TINAG: variants seen among roughly 807,000 people sequenced by gnomAD.
TINAG encodes the protein tubulointerstitial nephritis antigen.
A neutral mutation model predicts 72.7 loss-of-function variants in TINAG; 83 were observed. That is an observed-to-expected ratio of 1.14 (90% CI 0.96 to 1.37). TINAG has a LOEUF of 1.37. Ranked by LOEUF, TINAG falls within the 40% of genes most tolerant of loss-of-function variation. TINAG has a pLI of 0.00. For synonymous variants in TINAG, 234 were observed against 189.9 expected, an observed-to-expected ratio of 1.23 and a Z score of -1.91; for missense variants, 685 against 576.6, an observed-to-expected ratio of 1.19 and a Z score of -1.93.
chr6:54,317,781 T>G (rs1029806358), intron 1 of TINAG, among the ~76,000 whole-genome samples: 1 of 152,182 alleles, frequency 6.6e-6, no homozygotes, highest in African/African-American at 2.4e-5. Context: ...TGGCAAAATG[T>G]CTGAAAGAAA....
Position 54,390,126 on chromosome 6 carries a change from C to A in TINAG, c.*201C>A. 1 of 643,948 alleles carries A rather than the reference C, an allele frequency of 1.6e-6. No homozygotes were observed. Among genetic ancestry groups the A allele is most frequent in the Non-Finnish European group, 2.4e-6 (1 of 412,578 alleles). 39.9% of individuals were successfully genotyped at this position (643,948 alleles called of 1,614,324 possible). A position where few individuals can be genotyped will look rare whatever the true frequency, so the allele number is the denominator to read the frequency against. ...CATTAACAACACCAATAAAGGACAG[C>A]AGAGTCCCTAAATGTCTTTAAAGTT... On this transcript the variant is annotated 3_prime_UTR_variant, in exon 11 of 11. Transcript: ENST00000259782.
intron 10 of TINAG, among the ~76,000 whole-genome samples, chr6:54,389,076 T>A (rs1402691900): frequency 6.6e-6 from 1 of 152,154 alleles, no homozygotes; most frequent in East Asian, 1.9e-4. Flanking sequence ...TGGATGTTCT[T>A]TCCTCCCCTT....
At chr6:54,350,182 G>C (rs907639045) in intron 7 of TINAG, among the ~76,000 whole-genome samples, 1 of 150,814 alleles carries the variant, frequency 6.6e-6, no homozygotes, top group South Asian at 2.1e-4. Context: ...ATTTGAACTT[G>C]ACAATTAAAA....
intron 9 of TINAG, among the ~76,000 whole-genome samples, 182 bp from the exon 10 acceptor site, chr6:54,380,344 A>G (rs1763909377): frequency 6.6e-6 from 1 of 152,118 alleles, no homozygotes; most frequent in African/African-American, 2.4e-5. Context: ...AAATAATGTT[A>G]TGGTAAAGAA....
intron 9 of TINAG, among the ~76,000 whole-genome samples, chr6:54,365,867 C>T (rs1170440400): frequency 6.6e-6 from 1 of 151,572 alleles, no homozygotes; most frequent in Non-Finnish European, 1.5e-5. Flanking sequence ...AGAATCCCTG[C>T]TTTATAAGCT....
At chr6:54,309,185 AG>A (rs1784182306) in intron 1 of TINAG, among the ~76,000 whole-genome samples, 1 of 152,136 alleles carries the variant, frequency 6.6e-6, no homozygotes, top group South Asian at 2.1e-4. Context: ...AACTTGTATA[AG>A]GATTACTTTA....
At chr6:54,316,028 G>A (rs140427476) in intron 1 of TINAG, among the ~76,000 whole-genome samples, 16 of 152,256 alleles carry the variant, frequency 1.1e-4, no homozygotes, top group East Asian at 9.6e-4. Flanking sequence ...TTCATACAAC[G>A]TCTATAAGCT....
At chr6:54,379,864 G>A (rs933005973) in intron 9 of TINAG, among the ~76,000 whole-genome samples, 9 of 151,808 alleles carry the variant, frequency 5.9e-5, no homozygotes, top group Admixed American at 5.3e-4. Flanking sequence ...ACGTGCCATG[G>A]TGGTTTGCTG....
intron 9 of TINAG, among the ~76,000 whole-genome samples, chr6:54,360,179 G>A (rs1582739491): frequency 1.3e-5 from 2 of 151,738 alleles, no homozygotes; most frequent in African/African-American, 2.4e-5. Flanking sequence ...TCACAGGACT[G>A]TGGTAGGTAG....
rs371487535 is a variant in TINAG at position 54,389,927 on chromosome 6, A to G, written c.*2A>G. ...CTGACGAGTTCTGATGAACCATAAC[A>G]TATCATTAAATTTCCATAAGGTCAT... On this transcript the variant is annotated 3_prime_UTR_variant, in exon 11 of 11. Coordinates refer to ENST00000259782, the MANE Select transcript of TINAG (RefSeq NM_014464.4). The G allele has an allele frequency of 4.1e-5, 66 of 1,606,856 alleles. No homozygotes were observed. Among genetic ancestry groups the G allele is most frequent in the East Asian group, 6.7e-5 (3 of 44,708 alleles).
At chr6:54,341,205 C>A (rs530815128) in intron 4 of TINAG, among the ~76,000 whole-genome samples, 1 of 152,242 alleles carries the variant, frequency 6.6e-6, no homozygotes, top group Admixed American at 6.5e-5. Flanking sequence ...GGCACACTGA[C>A]AAACCAATAA....
intron 5 of TINAG, among the ~76,000 whole-genome samples, chr6:54,346,875 C>A (rs2150957379): frequency 6.6e-6 from 1 of 152,168 alleles, no homozygotes; most frequent in Admixed American, 6.6e-5. Context: ...TTCAGTTTTA[C>A]TCCAATATAT....
intron 9 of TINAG, among the ~76,000 whole-genome samples, chr6:54,360,839 G>GTTTTTTTT (rs773926586): frequency 1.8e-4 from 3 of 16,922 alleles, no homozygotes; most frequent in Non-Finnish European, 3.9e-4. Flanking sequence ...CACAGATACT[G>GTTTTTTTT]TGTTTTTTTT....
At chr6:54,347,637 A>C in intron 6 of TINAG, 120 bp downstream of exon 6, 1 of 991,518 alleles carries the variant, frequency 1.0e-6, no homozygotes, top group Non-Finnish European at 1.4e-6. Flanking sequence ...TACTACATCT[A>C]CATGAATATA....
intron 3 of TINAG, among the ~76,000 whole-genome samples, chr6:54,325,325 G>A (rs1032117797): frequency 2.0e-5 from 3 of 152,142 alleles, no homozygotes; most frequent in Admixed American, 6.5e-5. Context: ...TATGTTCTCC[G>A]TGTTTATCAG....
Position 54,380,577 on chromosome 6 carries a change from T to C in TINAG, c.1296+6T>C, listed in dbSNP as rs1562186050. ...GGCAGAAAGAAAAATTTTGGGTATG[T>C]AACTCTTTCCAGTTGAATTCCTGCT... is the stretch of plus-strand genomic sequence containing the variant. On this transcript the variant is annotated splice_donor_region_variant and intron_variant, in intron 10 of 10. Transcript: ENST00000259782. The C allele has an allele frequency of 1.9e-6, 3 of 1,608,998 alleles. No individual in the cohort carries two copies. Among genetic ancestry groups the C allele is most frequent in the Non-Finnish European group, 1.7e-6 (2 of 1,176,542 alleles).
At chr6:54,336,878 A>C (rs1784875846) in intron 4 of TINAG, among the ~76,000 whole-genome samples, 1 of 152,090 alleles carries the variant, frequency 6.6e-6, no homozygotes, top group African/African-American at 2.4e-5. Flanking sequence ...TGTTTGAGTC[A>C]ATCTCATAGC....
chr6:54,339,725 G>A (rs1582718634), intron 4 of TINAG, among the ~76,000 whole-genome samples: 1 of 152,258 alleles, frequency 6.6e-6, no homozygotes, highest in East Asian at 1.9e-4. Context: ...TTAGCCATTA[G>A]CAACTAGAAA....
rs369614932 is a variant in TINAG at position 54,349,672 on chromosome 6, A to T, written c.900-44A>T. 1.6e-4 allele frequency: 225 copies of T among 1,439,314 alleles called. No individual in the cohort carries two copies. In the African/African-American group the frequency reaches 3.0e-3, roughly 19 times the overall value. 89.2% of individuals were successfully genotyped at this position (1,439,314 alleles called of 1,614,324 possible). A position where few individuals can be genotyped will look rare whatever the true frequency, so the allele number is the denominator to read the frequency against. ...TTAAATATAAAAAGGATATTACGAC[A>T]TTCTCCTAAATATTACCTTTGCTTC... On this transcript the variant is annotated intron_variant, in intron 6 of 10. Coordinates refer to ENST00000259782, the MANE Select transcript of TINAG (RefSeq NM_014464.4).
Sources: gnomAD v4.1 joint callset for allele counts (sites outside exome capture counted in the v4.1 genomes callset) on GRCh38, gnomAD v4.1.1 for gene constraint, MANE v1.5 for transcripts, NCBI Gene and HGNC (gene_info 2026-07-23, HGNC 2026-07-21) for gene names.